Variants in ABTB3 observed in about 807,000 individuals in gnomAD.
ABTB3 encodes the protein ankyrin repeat- and BTB/POZ domain-containing protein 3.
chr12:107,355,682 G>A, the ABTB3 span, among the ~76,000 whole-genome samples: 1 of 152,166 alleles, frequency 6.6e-6, no homozygotes, highest in South Asian at 2.1e-4. Flanking sequence ...CAGAACCCAT[G>A]AAACAGACAT....
the ABTB3 span, among the ~76,000 whole-genome samples, chr12:107,569,656 A>C: frequency 6.6e-6 from 1 of 152,254 alleles, no homozygotes; most frequent in Non-Finnish European, 1.5e-5. Context: ...ATCCATGTTG[A>C]CACAACAGGA....
chr12:107,319,437 T>A, the ABTB3 span: 5 of 1,607,356 alleles, frequency 3.1e-6, no homozygotes, highest in Non-Finnish European at 3.4e-6. Context: ...CAGAGCGCCA[T>A]GGAGATCGTG....
the ABTB3 span, among the ~76,000 whole-genome samples, chr12:107,382,064 A>G: frequency 1.3e-5 from 2 of 152,228 alleles, no homozygotes; most frequent in Non-Finnish European, 1.5e-5. Context: ...TTAGGGCAGA[A>G]AAAAACAATA....
At chr12:107,439,701 G>GA in the ABTB3 span, among the ~76,000 whole-genome samples, 5 of 152,128 alleles carry the variant, frequency 3.3e-5, no homozygotes, top group African/African-American at 1.2e-4. Flanking sequence ...ATTGACATAT[G>GA]AAAAGCTGTA....
chr12:107,538,432 C>A, the ABTB3 span, among the ~76,000 whole-genome samples: 1 of 152,218 alleles, frequency 6.6e-6, no homozygotes, highest in Non-Finnish European at 1.5e-5. Context: ...GAAGCACTAG[C>A]TGTTGGTTTG....
the ABTB3 span, among the ~76,000 whole-genome samples, chr12:107,526,888 A>G: frequency 6.6e-6 from 1 of 152,134 alleles, no homozygotes; most frequent in East Asian, 1.9e-4. Context: ...CTTTTCTGAG[A>G]GTCCCCTGCC....
chr12:107,413,001 G>A, the ABTB3 span, among the ~76,000 whole-genome samples: 4 of 152,276 alleles, frequency 2.6e-5, no homozygotes, highest in East Asian at 3.9e-4. Flanking sequence ...GAGGCCGGGC[G>A]CGGTGGCTCA....
the ABTB3 span, among the ~76,000 whole-genome samples, chr12:107,486,032 C>T: frequency 6.6e-6 from 1 of 152,092 alleles, no homozygotes; most frequent in Non-Finnish European, 1.5e-5. Flanking sequence ...TGTGCTTGAC[C>T]TTATTATTTG....
the ABTB3 span, chr12:107,658,816 AGTTT>A: frequency 6.6e-6 from 1 of 152,644 alleles, no homozygotes; most frequent in Admixed American, 6.5e-5. Flanking sequence ...AGATGTTAAT[AGTTT>A]GTTACTAGCC....
chr12:107,552,083 A>G, the ABTB3 span, among the ~76,000 whole-genome samples: 1 of 152,186 alleles, frequency 6.6e-6, no homozygotes, highest in African/African-American at 2.4e-5. Context: ...ATCAGTGAGA[A>G]TTAAATTTTT....
At chr12:107,470,494 C>T in the ABTB3 span, among the ~76,000 whole-genome samples, 4 of 152,110 alleles carry the variant, frequency 2.6e-5, no homozygotes, top group Non-Finnish European at 5.9e-5. Flanking sequence ...GTGTCCTTTG[C>T]CCCGAGGAGG....
chr12:107,568,287 G>A, the ABTB3 span, among the ~76,000 whole-genome samples: 1 of 152,154 alleles, frequency 6.6e-6, no homozygotes, highest in African/African-American at 2.4e-5. Flanking sequence ...ACAGGGCCTA[G>A]AATATTATAG....
At chr12:107,514,197 C>A in the ABTB3 span, among the ~76,000 whole-genome samples, 3 of 152,204 alleles carry the variant, frequency 2.0e-5, no homozygotes, top group African/African-American at 2.4e-5. Flanking sequence ...CTGGCAGTGC[C>A]GGTATCTTGT....
the ABTB3 span, among the ~76,000 whole-genome samples, chr12:107,500,753 G>A: frequency 2.4e-3 from 359 of 152,202 alleles, 1 homozygote; most frequent in Non-Finnish European, 4.0e-3. Flanking sequence ...ACCCCACTCC[G>A]AGAAGCTGTG....
chr12:107,598,365 G>A, the ABTB3 span, among the ~76,000 whole-genome samples: 71 of 152,312 alleles, frequency 4.7e-4, no homozygotes, highest in South Asian at 0.013. Context: ...GGACACAAAT[G>A]TTACCCATGC....
chr12:107,608,968 T>TATAAAATAAA, the ABTB3 span, among the ~76,000 whole-genome samples: 6,415 of 101,320 alleles, frequency 0.063, 225 homozygotes, highest in South Asian at 0.12. Context: ...TAAAATAAAA[T>TATAAAATAAA]ATAAAATAAA....
At chr12:107,637,786 TTGTG>T in the ABTB3 span, among the ~76,000 whole-genome samples, 7,380 of 144,644 alleles carry the variant, frequency 0.051, 310 homozygotes, top group African/African-American at 0.1. Context: ...AGCACTGATT[TTGTG>T]TGTGTGTGTG....
the ABTB3 span, among the ~76,000 whole-genome samples, chr12:107,495,448 G>C: frequency 2.6e-5 from 4 of 152,192 alleles, no homozygotes; most frequent in African/African-American, 9.7e-5. Flanking sequence ...TGCAGAGGGG[G>C]CTCCTAGCTG....
the ABTB3 span, among the ~76,000 whole-genome samples, chr12:107,437,481 C>T: frequency 1.8e-4 from 28 of 152,152 alleles, no homozygotes; most frequent in Non-Finnish European, 2.8e-4. Context: ...ACTGCAACCT[C>T]CGCCTCCTGG....
Sources: gnomAD v4.1 joint callset for allele counts (sites outside exome capture counted in the v4.1 genomes callset) on GRCh38, gnomAD v4.1.1 for gene constraint, MANE v1.5 for transcripts, NCBI Gene and HGNC (gene_info 2026-07-23, HGNC 2026-07-21) for gene names.